Variants in TRIP13 observed in about 807,000 individuals in gnomAD.
The protein encoded by TRIP13 is thyroid hormone receptor interactor 13, also known as pachytene checkpoint protein 2 homolog.
A neutral mutation model predicts 54.4 loss-of-function variants in TRIP13; 25 were observed. That is an observed-to-expected ratio of 0.46 (90% confidence interval 0.33 to 0.64). The LOEUF (loss-of-function observed/expected upper bound fraction) is 0.64, where lower values mean the gene tolerates loss of function less well. TRIP13 is among the 30% of genes least tolerant of loss of function. The pLI, the probability that TRIP13 is intolerant of heterozygous loss-of-function variation, is 0.02. For missense variants in TRIP13, 373 were observed against 534.2 expected, an observed-to-expected ratio of 0.70 and a Z score of 2.97; for synonymous variants, 207 against 207.8, an observed-to-expected ratio of 1.00 and a Z score of 0.03.
chr5:914,484 G>A lies in TRIP13; in HGVS notation c.1040G>A (p.Arg347His), dbSNP rs372796058. The A allele has an allele frequency of 4.3e-6, 7 of 1,612,878 alleles. No homozygotes were observed. Among genetic ancestry groups the A allele is most frequent in the African/African-American group, 2.7e-5 (2 of 74,812 alleles). ...CCCCAGTGTCAGATCATATACCCTC[G>A]CCAGCAGCTGCTGACCCTCCGAGAG... is the stretch of plus-strand genomic sequence containing the variant. ...ELMKCQIIYP[R>H]QQLLTLRELE... is the part of the protein sequence containing the mutation. Residue 347 changes from arginine to histidine, a missense_variant, in exon 11 of 13, where the codon CGC (arginine) becomes CAC (histidine). Around this residue, in one of 4 missense-constraint regions of TRIP13, gnomAD observed 101 missense variants for 138.5 expected, o/e 0.73. Transcript: ENST00000166345.
At chr5:905,227 A>C (rs778797970) in intron 6 of TRIP13, among the ~76,000 whole-genome samples, 1 of 152,082 alleles carries the variant, frequency 6.6e-6, no homozygotes, top group African/African-American at 2.4e-5. Flanking sequence ...GAGTGTGCTG[A>C]AGGATCCGTG....
intron 9 of TRIP13, among the ~76,000 whole-genome samples, chr5:909,789 A>G (rs1754192352): frequency 6.6e-6 from 1 of 152,266 alleles, no homozygotes; most frequent in Non-Finnish European, 1.5e-5. Context: ...TTAAAGGAAT[A>G]GGTGGGGCTA....
chr5:905,111 C>T (rs1291458725), intron 6 of TRIP13, among the ~76,000 whole-genome samples: 2 of 152,162 alleles, frequency 1.3e-5, no homozygotes, highest in African/African-American at 4.8e-5. Context: ...ATTTCCATTA[C>T]TTGTGATTTG....
rs1216803489 is a variant in TRIP13, at chr5:907,321, C to G, written c.672+128C>G. The G allele has an allele frequency of 1.2e-6, 1 of 833,964 alleles. No homozygotes were observed. Among genetic ancestry groups the G allele is most frequent in the Non-Finnish European group, 1.9e-6 (1 of 520,924 alleles). 51.7% of individuals were successfully genotyped at this position (833,964 alleles called of 1,614,324 possible). Reference sequence around the variant, plus strand: ...TGGGAAGGGTGTGTGAGGATTGGGGCTGACTGTGATCAGAGAAGGTTCCGG... The same window carrying G: ...TGGGAAGGGTGTGTGAGGATTGGGGGTGACTGTGATCAGAGAAGGTTCCGG... On this transcript the variant is annotated intron_variant, in intron 7 of 12. Coordinates refer to ENST00000166345, the MANE Select transcript of TRIP13 (RefSeq NM_004237.4). The surrounding 1 kb of genome is among the most constrained non-coding windows in gnomAD (Gnocchi z 4.1).
chr5:910,199 C>T (rs531317460), intron 9 of TRIP13, among the ~76,000 whole-genome samples: 1 of 152,332 alleles, frequency 6.6e-6, no homozygotes, highest in Non-Finnish European at 1.5e-5. Flanking sequence ...CATGAGTGTT[C>T]CCTTTTCTCT....
At chr5:901,315 C>A in intron 4 of TRIP13, 26 bp from the exon 5 acceptor site, 1 of 1,608,046 alleles carries the variant, frequency 6.2e-7, no homozygotes, top group Non-Finnish European at 8.5e-7. Flanking sequence ...GTATCTTTGT[C>A]AAGCTCTTTT....
intron 1 of TRIP13, among the ~76,000 whole-genome samples, chr5:894,156 C>T (rs569130572): frequency 6.6e-6 from 1 of 152,192 alleles, no homozygotes; most frequent in East Asian, 1.9e-4. Context: ...AGGAGCCTGT[C>T]CAGGAGGGCT....
intron 6 of TRIP13, 57 bp downstream of exon 6, chr5:904,277 G>GTT: frequency 1.6e-5 from 22 of 1,408,040 alleles, no homozygotes; most frequent in South Asian, 1.0e-4. Flanking sequence ...ATAACGGGAG[G>GTT]TTGTTTTTTT....
At chr5:901,027 GA>G (rs1753975809) in intron 4 of TRIP13, among the ~76,000 whole-genome samples, 1 of 152,200 alleles carries the variant, frequency 6.6e-6, no homozygotes, top group Non-Finnish European at 1.5e-5. Context: ...TCATTCTAGG[GA>G]AGGAGCTTAC....
chr5:909,258 G>A (rs1445998257), intron 9 of TRIP13, among the ~76,000 whole-genome samples: 1 of 152,178 alleles, frequency 6.6e-6, no homozygotes, highest in Admixed American at 6.5e-5. Flanking sequence ...GACAGCTGCT[G>A]GCCCAACTCC....
At chr5:897,020 C>G (rs923299822) in intron 3 of TRIP13, among the ~76,000 whole-genome samples, 1 of 152,214 alleles carries the variant, frequency 6.6e-6, no homozygotes, top group East Asian at 1.9e-4. Context: ...TCCTGGCTAA[C>G]GGAGAGTGCC....
chr5:914,340 G>A lies in TRIP13; in HGVS notation c.1021-125G>A, dbSNP rs72703194. 0.039 allele frequency: 26,990 copies of A among 685,404 alleles called. 628 individuals are homozygous for A. The highest frequency in any genetic ancestry group is 0.048 in the South Asian group (2,859 of 59,002). The allele number at this position is 685,404 out of a possible 1,614,324, so 42.5% of individuals were successfully genotyped here. A position where few individuals can be genotyped will look rare whatever the true frequency, so the allele number is the denominator to read the frequency against. On this transcript the variant is annotated intron_variant, in intron 10 of 12. Transcript: ENST00000166345. ...CAGCTGTGCATCTTGAGTCGTCACC[G>A]TCTGGATTTCTGTGAGACGTGGCGT... is the stretch of plus-strand genomic sequence containing the variant.
At position 908,870 on chromosome 5, in the gene TRIP13, A is replaced by G. The variant is rs1342928074; in HGVS notation, c.866+409A>G. ...CTACTCTGGAGGCTGAGGCAGGAGA[A>G]TGGTGTGAACCCGGGAGGCAGAACT... is the stretch of plus-strand genomic sequence containing the variant. On this transcript the variant is annotated intron_variant, in intron 9 of 12. Coordinates refer to ENST00000166345, the MANE Select transcript of TRIP13 (RefSeq NM_004237.4). The surrounding 1 kb of genome is among the most constrained non-coding windows in gnomAD (Gnocchi z 5.2). The G allele has an allele frequency of 4.9e-6, 1 of 204,152 alleles. No individual in the cohort carries two copies. Among genetic ancestry groups the G allele is most frequent in the African/African-American group, 2.3e-5 (1 of 43,176 alleles). The allele number at this position is 204,152 out of a possible 1,614,324, so 12.6% of individuals were successfully genotyped here.
Position 915,820 on chromosome 5 carries a change from G to C in TRIP13, c.1134-84G>C. ...GGACGCCTCGGCTTGTGTTCCCAGGGATGCCTCGGCCAATGAGGAAAATTA... is the reference window on the plus strand; with the variant it reads ...GGACGCCTCGGCTTGTGTTCCCAGGCATGCCTCGGCCAATGAGGAAAATTA... On this transcript the variant is annotated intron_variant, in intron 11 of 12. Coordinates refer to ENST00000166345, the MANE Select transcript of TRIP13 (RefSeq NM_004237.4). This position sits in a 1 kb window ranked among gnomAD's most constrained non-coding sequence, Gnocchi z 4.2. The C allele has an allele frequency of 3.4e-6, 5 of 1,456,696 alleles. No individual in the cohort carries two copies. In the South Asian group the frequency reaches 5.7e-5, roughly 17 times the overall value. 90.2% of individuals were successfully genotyped at this position (1,456,696 alleles called of 1,614,324 possible).
rs114521516 is a variant in TRIP13 at position 911,272 on chromosome 5, A to T, written c.867-571A>T. Among the ~76,000 whole-genome samples, 4,626 of 152,310 alleles carry T rather than the reference A, an allele frequency of 0.03. 222 individuals are homozygous for T. The highest frequency in any genetic ancestry group is 0.1 in the African/African-American group (4,243 of 41,568). ...GTGGCACAATCAGGAACGCCATGCG[A>T]AAGTGAGATCCTTGCTAGGCCGGGC... On this transcript the variant is annotated intron_variant, in intron 9 of 12. Transcript: ENST00000166345. The surrounding 1 kb of genome is among the most constrained non-coding windows in gnomAD (Gnocchi z 4.7).
In TRIP13 at chr5:912,087, A is replaced by G. The variant is rs1173676994; in HGVS notation, c.1020+91A>G. ...TAGCTTAAAATAAGCTCGTTCCAGT[A>G]CGGAGGATTTCAACATATGCATTAA... is the stretch of plus-strand genomic sequence containing the variant. On this transcript the variant is annotated intron_variant, in intron 10 of 12. Coordinates refer to ENST00000166345, the MANE Select transcript of TRIP13 (RefSeq NM_004237.4). The surrounding 1 kb of genome is among the most constrained non-coding windows in gnomAD (Gnocchi z 7.2). 10 of 1,477,606 alleles carry G rather than the reference A, an allele frequency of 6.8e-6. No homozygotes were observed. Among genetic ancestry groups the G allele is most frequent in the South Asian group, 5.4e-5 (4 of 74,636 alleles). 91.5% of individuals were successfully genotyped at this position (1,477,606 alleles called of 1,614,324 possible).
At chr5:906,026 G>A (rs1036457331) in intron 6 of TRIP13, among the ~76,000 whole-genome samples, 10 of 152,208 alleles carry the variant, frequency 6.6e-5, no homozygotes, top group Admixed American at 2.0e-4. Flanking sequence ...GACCAGCCTG[G>A]CCAACATGGA....
chr5:916,941 T>G (rs1754353380), intron 12 of TRIP13, 67 bp from the exon 13 acceptor site: 1 of 1,471,876 alleles, frequency 6.8e-7, no homozygotes, highest in Non-Finnish European at 9.4e-7. Context: ...CGGCAGGGGC[T>G]GTGGATGCCA....
chr5:902,774 A>T (rs1489328729), intron 5 of TRIP13, among the ~76,000 whole-genome samples: 2 of 152,142 alleles, frequency 1.3e-5, no homozygotes, highest in African/African-American at 4.8e-5. Flanking sequence ...ATACAAGACA[A>T]AGGGGCAGGG....
Sources: gnomAD v4.1 joint callset for allele counts (sites outside exome capture counted in the v4.1 genomes callset) on GRCh38, gnomAD v4.1.1 for gene constraint, gnomAD v4.1.1 regional missense constraint, Gnocchi (gnomAD v3.1) non-coding constraint, MANE v1.5 for transcripts, NCBI Gene and HGNC (gene_info 2026-07-23, HGNC 2026-07-21) for gene names.